Variants in NCALD observed in about 807,000 individuals in gnomAD.
The protein encoded by NCALD is neurocalcin delta.
NCALD carries 10 observed loss-of-function variants against 18.6 expected under a neutral mutation model. That is an observed-to-expected ratio of 0.54 (90% CI 0.33 to 0.91). The LOEUF (loss-of-function observed/expected upper bound fraction) is 0.91. Ranked by LOEUF, NCALD falls within the 40% of genes least tolerant of loss-of-function variation. The pLI is 0.03. For missense variants in NCALD, 184 were observed against 247.6 expected, an observed-to-expected ratio of 0.74 and a Z score of 1.72; for synonymous variants, 88 against 87.4, an observed-to-expected ratio of 1.01 and a Z score of -0.04.
At chr8:101,755,919 T>C (rs1810858788) in intron 1 of NCALD, among the ~76,000 whole-genome samples, 1 of 152,140 alleles carries the variant, frequency 6.6e-6, no homozygotes, top group African/African-American at 2.4e-5. Context: ...TCTCAACAGG[T>C]TAAATGCTAC....
At chr8:101,711,896 A>G (rs1815813383) in intron 2 of NCALD, among the ~76,000 whole-genome samples, 1 of 152,170 alleles carries the variant, frequency 6.6e-6, no homozygotes. Flanking sequence ...ACAGGCCAAC[A>G]TTCAAATTCA....
chr8:102,041,163 C>T (rs1823037537), intron 1 of NCALD, among the ~76,000 whole-genome samples: 1 of 152,180 alleles, frequency 6.6e-6, no homozygotes, highest in Admixed American at 6.5e-5. Context: ...TATCTGCACT[C>T]TTTTGTCTCT....
rs541568633 is a variant in NCALD at position 101,760,670 on chromosome 8, G to C, written c.-20+30192C>G. On this transcript the variant is annotated intron_variant, in intron 1 of 3. Transcript: ENST00000220931. The stretch of plus-strand genomic sequence containing the variant: ...CAACTCAGCTTTAAGTTAAACATAA[G>C]TTTTCAAGTTGAGGTGTGGCTATAG... Among the ~76,000 whole-genome samples, 17 of 152,320 alleles carry C rather than the reference G, an allele frequency of 1.1e-4. No homozygotes were observed. In the East Asian group the frequency reaches 2.7e-3, roughly 24 times the overall value.
intron 2 of NCALD, among the ~76,000 whole-genome samples, chr8:101,930,938 A>G (rs11986985): frequency 0.013 from 1,905 of 152,156 alleles, 24 homozygotes; most frequent in Middle Eastern, 0.037. Flanking sequence ...ATTTGTTTCT[A>G]TGGCAAGGCT....
At chr8:102,006,737 C>T (rs913362343) in intron 2 of NCALD, among the ~76,000 whole-genome samples, 2 of 152,218 alleles carry the variant, frequency 1.3e-5, no homozygotes, top group African/African-American at 4.8e-5. Flanking sequence ...CTCCTCTTCC[C>T]GCTTCCCAAA....
intron 3 of NCALD, among the ~76,000 whole-genome samples, chr8:101,906,875 A>G (rs1817628336): frequency 6.6e-6 from 1 of 152,244 alleles, no homozygotes; most frequent in Non-Finnish European, 1.5e-5. Flanking sequence ...TGGTGCCACA[A>G]AAGCATAAAT....
At chr8:101,843,285 G>A (rs888596810) in intron 4 of NCALD, among the ~76,000 whole-genome samples, 4 of 152,242 alleles carry the variant, frequency 2.6e-5, no homozygotes, top group Non-Finnish European at 4.4e-5. Flanking sequence ...AAGATATCAT[G>A]AGGATTTGCT....
intron 2 of NCALD, among the ~76,000 whole-genome samples, chr8:102,003,114 A>G (rs1279485305): frequency 3.3e-5 from 5 of 152,230 alleles, no homozygotes; most frequent in Non-Finnish European, 7.3e-5. Context: ...AAAGATCAAC[A>G]AAATTGATAG....
chr8:101,757,112 T>C (rs140538703), intron 1 of NCALD, among the ~76,000 whole-genome samples: 32 of 152,296 alleles, frequency 2.1e-4, no homozygotes, highest in Non-Finnish European at 3.5e-4. Context: ...CTGAGTTCCA[T>C]GTCAATATTT....
chr8:102,034,015 T>TACACACACACACACACACACACACAC (rs34381236), intron 1 of NCALD, among the ~76,000 whole-genome samples: 2 of 147,890 alleles, frequency 1.4e-5, no homozygotes, highest in African/African-American at 5.0e-5. Flanking sequence ...TCCCTCTAAA[T>TACACACACACACACACACACACACAC]ACACACACAC....
chr8:101,762,857 C>G (rs1265780372), intron 1 of NCALD, among the ~76,000 whole-genome samples: 1 of 152,224 alleles, frequency 6.6e-6, no homozygotes, highest in Non-Finnish European at 1.5e-5. Context: ...CAGGCATGAG[C>G]CACCACGCCC....
chr8:102,097,268 C>A (rs1479182224), intron 1 of NCALD, among the ~76,000 whole-genome samples: 1 of 152,174 alleles, frequency 6.6e-6, no homozygotes, highest in Non-Finnish European at 1.5e-5. Context: ...TAGTGAAAGA[C>A]AAAGAATCAG....
chr8:102,050,732 T>C (rs1300059040), intron 1 of NCALD, among the ~76,000 whole-genome samples: 2 of 147,198 alleles, frequency 1.4e-5, no homozygotes, highest in African/African-American at 4.9e-5. Flanking sequence ...TATATTTATA[T>C]ATGAATTTTA....
intron 2 of NCALD, among the ~76,000 whole-genome samples, chr8:101,942,052 C>T (rs1818978288): frequency 6.6e-6 from 1 of 152,084 alleles, no homozygotes; most frequent in Non-Finnish European, 1.5e-5. Context: ...TACTTTGAAA[C>T]CAAGCAAACA....
At chr8:102,009,120 G>T (rs1415589351) in intron 2 of NCALD, among the ~76,000 whole-genome samples, 2 of 152,216 alleles carry the variant, frequency 1.3e-5, no homozygotes, top group Non-Finnish European at 2.9e-5. Flanking sequence ...AATAACAATG[G>T]ATGTAAAAGT....
At chr8:101,702,846 C>T (rs986159874) in intron 2 of NCALD, among the ~76,000 whole-genome samples, 30 of 152,310 alleles carry the variant, frequency 2.0e-4, no homozygotes, top group African/African-American at 7.2e-4. Context: ...TGTCAGCCTT[C>T]CAAGATGTGT....
chr8:101,812,022 A>T (rs1813323196), intron 4 of NCALD, among the ~76,000 whole-genome samples: 1 of 152,172 alleles, frequency 6.6e-6, no homozygotes, highest in African/African-American at 2.4e-5. Flanking sequence ...CTCAGAATGG[A>T]GTGGGATGGT....
intron 1 of NCALD, among the ~76,000 whole-genome samples, chr8:101,765,692 C>T (rs1337818087): frequency 6.6e-6 from 1 of 152,106 alleles, no homozygotes; most frequent in Admixed American, 6.5e-5. Flanking sequence ...CTCAAAGCAA[C>T]TGGCAGGGAC....
intron 1 of NCALD, among the ~76,000 whole-genome samples, chr8:101,779,119 C>A (rs1811912304): frequency 6.6e-6 from 1 of 151,708 alleles, no homozygotes; most frequent in Admixed American, 6.6e-5. Flanking sequence ...ATTATGAGGG[C>A]AAAATGAAGA....
Sources: gnomAD v4.1 joint callset for allele counts (sites outside exome capture counted in the v4.1 genomes callset) on GRCh38, gnomAD v4.1.1 for gene constraint, MANE v1.5 for transcripts, NCBI Gene and HGNC (gene_info 2026-07-23, HGNC 2026-07-21) for gene names.